Variants in TMEM179 observed in about 807,000 individuals in gnomAD.
TMEM179 encodes transmembrane protein 179.
TMEM179 carries 17 observed loss-of-function variants against 22.2 expected under a neutral mutation model. The observed-to-expected ratio is 0.77, with a 90% confidence interval of 0.52 to 1.15. The LOEUF is 1.15. Ranked by LOEUF, TMEM179 falls within the 50% of genes most tolerant of loss-of-function variation. The probability of loss-of-function intolerance (pLI) is 0.00; values close to 1 mark genes in which losing one functional copy is unlikely to be tolerated. For missense variants in TMEM179, 265 were observed against 313.6 expected, an observed-to-expected ratio of 0.84 and a Z score of 1.17; for synonymous variants, 127 against 140.5, an observed-to-expected ratio of 0.90 and a Z score of 0.68.
Position 104,593,385 on chromosome 14 carries a change from C to A in TMEM179, c.*94G>T. 1.4e-6 allele frequency: 2 copies of A among 1,459,308 alleles called. No homozygotes were observed. The highest frequency in any genetic ancestry group is 9.2e-7 in the Non-Finnish European group (1 of 1,087,272). The allele number at this position is 1,459,308 out of a possible 1,614,324, so 90.4% of individuals were successfully genotyped here. A position where few individuals can be genotyped will look rare whatever the true frequency, so the allele number is the denominator to read the frequency against. ...CACGCAGGGCTGCATGTGGCCAGGG[C>A]CCAGGCAGAGCCCCCCAGCTGCTTC... On this transcript the variant is annotated 3_prime_UTR_variant, in exon 4 of 4. Coordinates refer to ENST00000556573, the MANE Select transcript of TMEM179 (RefSeq NM_001286389.2).
rs555208545 is a variant in TMEM179 at position 104,604,183 on chromosome 14, G to A, written c.305+254C>T. Among the ~76,000 whole-genome samples, 237 of 152,336 alleles carry A rather than the reference G, an allele frequency of 1.6e-3. No homozygotes were observed. The highest frequency in any genetic ancestry group is 5.1e-3 in the Admixed American group (78 of 15,312). On this transcript the variant is annotated intron_variant, in intron 1 of 3. Transcript: ENST00000556573. This position sits in a 1 kb window ranked among gnomAD's most constrained non-coding sequence, Gnocchi z 4.6. ...CTGCAACCCAAGGGAGCAGATGCCCGGAAGCGGGAGGTGATGCGCAGCTGG... is the reference window on the plus strand; with the variant it reads ...CTGCAACCCAAGGGAGCAGATGCCCAGAAGCGGGAGGTGATGCGCAGCTGG...
At position 104,593,395 on chromosome 14, in the gene TMEM179, G is replaced by T. The variant is rs1886905173; in HGVS notation, c.*84C>A. The stretch of plus-strand genomic sequence containing the variant: ...TGCATGTGGCCAGGGCCCAGGCAGA[G>T]CCCCCCAGCTGCTTCCCCAGGCAGG... On this transcript the variant is annotated 3_prime_UTR_variant, in exon 4 of 4. Coordinates refer to ENST00000556573, the MANE Select transcript of TMEM179 (RefSeq NM_001286389.2). 6.7e-7 allele frequency: 1 copy of T among 1,493,322 alleles called. No homozygotes were observed. Among genetic ancestry groups the T allele is most frequent in the Non-Finnish European group, 9.0e-7 (1 of 1,113,204 alleles). The allele number at this position is 1,493,322 out of a possible 1,614,324, so 92.5% of individuals were successfully genotyped here.
At position 104,604,376 on chromosome 14, in the gene TMEM179, G is replaced by A; in HGVS notation, c.305+61C>T. 1 of 1,413,824 alleles carries A rather than the reference G, an allele frequency of 7.1e-7. No homozygotes were observed. Among genetic ancestry groups the A allele is most frequent in the South Asian group, 1.5e-5 (1 of 66,802 alleles). 87.6% of individuals were successfully genotyped at this position (1,413,824 alleles called of 1,614,324 possible). The stretch of plus-strand genomic sequence containing the variant: ...GGGACTCGCGCGCCTCCCCGGGGAG[G>A]TGGGTCTGGGGGCGCTGGGGGCATG... On this transcript the variant is annotated intron_variant, in intron 1 of 3. Coordinates refer to ENST00000556573, the MANE Select transcript of TMEM179 (RefSeq NM_001286389.2). This position sits in a 1 kb window ranked among gnomAD's most constrained non-coding sequence, Gnocchi z 4.6.
Position 104,597,121 on chromosome 14 carries a change from G to A in TMEM179, c.312C>T (p.Phe104=). 2 of 1,594,680 alleles carry A rather than the reference G, an allele frequency of 1.3e-6. No individual in the cohort carries two copies. The highest frequency in any genetic ancestry group is 1.7e-6 in the Non-Finnish European group (2 of 1,171,786). ...CCAGGAGGTTCAGGAAGGCGGAGAA[G>A]AAGGAGCTGCAGCCAGAAACAGGAG... ...FFLCKGHEGS[F]FSAFLNLLVS... Residue 104 remains phenylalanine, a synonymous_variant, in exon 2 of 4, where the codon TTC becomes TTT. Coordinates refer to ENST00000556573, the MANE Select transcript of TMEM179 (RefSeq NM_001286389.2). The surrounding 1 kb of genome is among the most constrained non-coding windows in gnomAD (Gnocchi z 4.8).
At chr14:104,601,021 C>T (rs894269061) in intron 1 of TMEM179, among the ~76,000 whole-genome samples, 4 of 152,224 alleles carry the variant, frequency 2.6e-5, no homozygotes, top group Admixed American at 1.3e-4. Flanking sequence ...CAGTGGCCGT[C>T]GATGGCCCTG....
chr14:104,598,735 T>A (rs1962467110), intron 1 of TMEM179, among the ~76,000 whole-genome samples: 1 of 152,200 alleles, frequency 6.6e-6, no homozygotes, highest in South Asian at 2.1e-4. Flanking sequence ...GCCCGTCCAC[T>A]GGCCCCAGTC....
chr14:104,601,212 G>A (rs2140497346), intron 1 of TMEM179, among the ~76,000 whole-genome samples: 1 of 152,360 alleles, frequency 6.6e-6, no homozygotes, highest in South Asian at 2.1e-4. Context: ...CAGGGGTCCA[G>A]AACTTCCTGA....
In TMEM179 at chr14:104,604,397, G is replaced by T. The variant is rs746142593; in HGVS notation, c.305+40C>A. 1.2e-5 allele frequency: 17 copies of T among 1,459,814 alleles called. No individual in the cohort carries two copies. The highest frequency in any genetic ancestry group is 1.5e-5 in the Non-Finnish European group (17 of 1,112,644). The allele number at this position is 1,459,814 out of a possible 1,614,324, so 90.4% of individuals were successfully genotyped here. A position where few individuals can be genotyped will look rare whatever the true frequency, so the allele number is the denominator to read the frequency against. ...GGAGGTGGGTCTGGGGGCGCTGGGGGCATGGAAGGGGCGCCGCGCCGGGAG... is the reference window on the plus strand; with the variant it reads ...GGAGGTGGGTCTGGGGGCGCTGGGGTCATGGAAGGGGCGCCGCGCCGGGAG... On this transcript the variant is annotated intron_variant, in intron 1 of 3. Coordinates refer to ENST00000556573, the MANE Select transcript of TMEM179 (RefSeq NM_001286389.2). This position sits in a 1 kb window ranked among gnomAD's most constrained non-coding sequence, Gnocchi z 4.6.
Position 104,595,086 on chromosome 14 carries a change from G to A in TMEM179, c.522+79C>T, listed in dbSNP as rs1027189903. The A allele has an allele frequency of 3.7e-5, 60 of 1,604,724 alleles. No individual in the cohort carries two copies. Among genetic ancestry groups the A allele is most frequent in the East Asian group, 6.7e-5 (3 of 44,658 alleles). On this transcript the variant is annotated intron_variant, in intron 3 of 3. Coordinates refer to ENST00000556573, the MANE Select transcript of TMEM179 (RefSeq NM_001286389.2). The surrounding 1 kb of genome is among the most constrained non-coding windows in gnomAD (Gnocchi z 5.7). ...GAGCCTGCCTCCTCCTCTGGATGGG[G>A]GAGAGCTCAGCAAATGTCCAGCAGT...
At position 104,591,248 on chromosome 14, in the gene TMEM179, C is replaced by T. The variant is rs943582960; in HGVS notation, c.*2231G>A. ...GCTCCTGGGATCCAGCAGTGCAGCC[C>T]CCAAGAACAGACCCAACCGGGGCCA... is the stretch of plus-strand genomic sequence containing the variant. On this transcript the variant is annotated 3_prime_UTR_variant, in exon 4 of 4. Coordinates refer to ENST00000556573, the MANE Select transcript of TMEM179 (RefSeq NM_001286389.2). 1 of 404,904 alleles carries T rather than the reference C, an allele frequency of 2.5e-6. No homozygotes were observed. Among genetic ancestry groups the T allele is most frequent in the Non-Finnish European group, 4.9e-6 (1 of 205,418 alleles). 25.1% of individuals were successfully genotyped at this position (404,904 alleles called of 1,614,324 possible).
In TMEM179 at chr14:104,593,560, G is replaced by C. The variant is rs1422088014; in HGVS notation, c.621C>G (p.Ser207Arg). The C allele has an allele frequency of 6.5e-7, 1 of 1,534,042 alleles. No individual in the cohort carries two copies. The part of the protein sequence containing the change: ...HNYRQEDLLD[S>R]LIHEKELLLA... ...GCAGCAGCTCCTTCTCGTGGATCAG[G>C]CTGTCCAGCAGGTCCTCCTGACGGT... Residue 207 changes from serine to arginine, a missense_variant, in exon 4 of 4, where the codon AGC becomes AGG. Transcript: ENST00000556573.
chr14:104,603,184 C>T (rs370922833), intron 1 of TMEM179, among the ~76,000 whole-genome samples: 4 of 152,188 alleles, frequency 2.6e-5, no homozygotes, highest in Admixed American at 1.3e-4. Flanking sequence ...CTCAGCATAG[C>T]CCTGGCTCCC....
At position 104,604,514 on chromosome 14, in the gene TMEM179, G is replaced by A; in HGVS notation, c.228C>T (p.Leu76=). The change falls in exon 1 of 4, where the codon CTC becomes CTT. Residue 76 remains leucine (L), a synonymous_variant. Coordinates refer to ENST00000556573, the MANE Select transcript of TMEM179 (RefSeq NM_001286389.2). The surrounding 1 kb of genome is among the most constrained non-coding windows in gnomAD (Gnocchi z 4.6). ...CCAGCAGCAGAGACAGGAGGCTGGC[G>A]AGCAGGCTGAAGCGGCAGGCGGCCG... ...GPPAACRFSL[L]ASLLSLLLAA... 1.3e-6 allele frequency: 2 copies of A among 1,567,324 alleles called. No homozygotes were observed. The highest frequency in any genetic ancestry group is 8.6e-7 in the Non-Finnish European group (1 of 1,158,982).
chr14:104,600,613 C>CTCATTCAT (rs572258329), intron 1 of TMEM179, among the ~76,000 whole-genome samples: 2 of 151,386 alleles, frequency 1.3e-5, no homozygotes, highest in East Asian at 3.8e-4. Context: ...CATTCATTTA[C>CTCATTCAT]TCATTCATTC....
chr14:104,604,763 CGGCGGGAAGGCCGCGGGAGGCTGCGCCG>C (rs760021249), exon 1 of TMEM179: 69 of 1,492,672 alleles, frequency 4.6e-5, no homozygotes, highest in African/African-American at 1.4e-4. This position sits in a 1 kb window ranked among gnomAD's most constrained non-coding sequence, Gnocchi z 4.6. Context: ...GCGAGAGCGG[CGGCGGGAAGGCCGCGGGAGGCTGCGCCG>C]GGCGGGGAGG....
chr14:104,591,463 CA>C lies in TMEM179; in HGVS notation c.*2015del. 2.2e-6 allele frequency: 1 copy of C among 455,246 alleles called. No homozygotes were observed. The highest frequency in any genetic ancestry group is 4.4e-6 in the Non-Finnish European group (1 of 226,382). 28.2% of individuals were successfully genotyped at this position (455,246 alleles called of 1,614,324 possible). On this transcript the variant is annotated 3_prime_UTR_variant, in exon 4 of 4. Transcript: ENST00000556573. Reference sequence around the variant, plus strand: ...AGTGGGTCAGGGCTGGAAGGGGAGACAGGGGACCCCATCAGCTTAGGGGGCC... The same window carrying C: ...AGTGGGTCAGGGCTGGAAGGGGAGACGGGGACCCCATCAGCTTAGGGGGCC...
At chr14:104,594,000 C>T in intron 3 of TMEM179, 3 of 1,198,266 alleles carry the variant, frequency 2.5e-6, no homozygotes, top group Non-Finnish European at 3.1e-6. Context: ...TCCAGCAGCT[C>T]CGGCCTGTCG....
At position 104,593,584 on chromosome 14, in the gene TMEM179, G is replaced by A; in HGVS notation, c.597C>T (p.Tyr199=). 2 of 1,525,122 alleles carry A rather than the reference G, an allele frequency of 1.3e-6. No homozygotes were observed. Among genetic ancestry groups the A allele is most frequent in the Non-Finnish European group, 1.8e-6 (2 of 1,140,000 alleles). 94.5% of individuals were successfully genotyped at this position (1,525,122 alleles called of 1,614,324 possible). Residue 199 remains tyrosine (Y), a synonymous_variant, in exon 4 of 4, where the codon TAC becomes TAT. Transcript: ENST00000556573. ...TLAFLKVYHN[Y]RQEDLLDSLI... ...GGCTGTCCAGCAGGTCCTCCTGACG[G>A]TAGTTGTGGTAGACCTTCAGGAAGG...
chr14:104,597,122 A>G lies in TMEM179; in HGVS notation c.311T>C (p.Phe104Ser), dbSNP rs958120273. The change falls in exon 2 of 4, where the codon TTC (phenylalanine) becomes TCC (serine). Residue 104 changes from phenylalanine (F) to serine (S), a missense_variant. Coordinates refer to ENST00000556573, the MANE Select transcript of TMEM179 (RefSeq NM_001286389.2). The surrounding 1 kb of genome is among the most constrained non-coding windows in gnomAD (Gnocchi z 4.8). The stretch of plus-strand genomic sequence containing the variant: ...CAGGAGGTTCAGGAAGGCGGAGAAG[A>G]AGGAGCTGCAGCCAGAAACAGGAGG... ...FFLCKGHEGS[F>S]FSAFLNLLVS... 4 of 1,592,916 alleles carry G rather than the reference A, an allele frequency of 2.5e-6. No individual in the cohort carries two copies. In the East Asian group the frequency reaches 6.8e-5, roughly 27 times the overall value.
Sources: gnomAD v4.1 joint callset for allele counts (sites outside exome capture counted in the v4.1 genomes callset) on GRCh38, gnomAD v4.1.1 for gene constraint, Gnocchi (gnomAD v3.1) non-coding constraint, MANE v1.5 for transcripts, NCBI Gene and HGNC (gene_info 2026-07-23, HGNC 2026-07-21) for gene names.